The following EREG variants were observed in gnomAD, a reference collection of about 807,000 sequenced individuals.
EREG encodes the protein proepiregulin.
Under a neutral mutation model 22.4 loss-of-function variants are expected in EREG, and 23 were observed. The observed-to-expected ratio is 1.03, with a 90% confidence interval of 0.74 to 1.46. EREG has a LOEUF of 1.46. EREG is among the 40% of genes most tolerant of loss of function. The pLI is 0.00. For missense variants in EREG, 226 were observed against 205.9 expected, an observed-to-expected ratio of 1.10 and a Z score of -0.60; for synonymous variants, 100 against 75.4, an observed-to-expected ratio of 1.33 and a Z score of -1.69.
At chr4:74,376,335 C>T (rs1423942532) in intron 1 of EREG, among the ~76,000 whole-genome samples, 1 of 152,180 alleles carries the variant, frequency 6.6e-6, no homozygotes, top group Non-Finnish European at 1.5e-5. Flanking sequence ...GTAATGTCTC[C>T]TCCAAAGCTT....
At chr4:74,374,706 C>G (rs1319500190) in intron 1 of EREG, among the ~76,000 whole-genome samples, 1 of 152,118 alleles carries the variant, frequency 6.6e-6, no homozygotes, top group African/African-American at 2.4e-5. Flanking sequence ...CACTCAACCT[C>G]TCCCACGCGC....
At chr4:74,372,469 C>A (rs1257875347) in intron 1 of EREG, among the ~76,000 whole-genome samples, 1 of 152,200 alleles carries the variant, frequency 6.6e-6, no homozygotes, top group Non-Finnish European at 1.5e-5. Context: ...AGGCTTCCTG[C>A]CACAATGTGG....
At chr4:74,384,446 C>T (rs550707593) in intron 4 of EREG, among the ~76,000 whole-genome samples, 1 of 152,066 alleles carries the variant, frequency 6.6e-6, no homozygotes, top group Non-Finnish European at 1.5e-5. Flanking sequence ...TTAAATGTGG[C>T]CACACGCCTC....
chr4:74,368,430 A>T (rs1184650095), intron 1 of EREG, among the ~76,000 whole-genome samples: 1 of 152,132 alleles, frequency 6.6e-6, no homozygotes. Flanking sequence ...AGGGTAACTT[A>T]TGTCTGTTTT....
intron 1 of EREG, among the ~76,000 whole-genome samples, chr4:74,378,037 T>TA (rs1752411711): frequency 6.6e-6 from 1 of 152,220 alleles, no homozygotes; most frequent in African/African-American, 2.4e-5. Context: ...AAGTTGAATA[T>TA]ATTTTGTTGC....
chr4:74,375,187 T>C (rs866620643), intron 1 of EREG, among the ~76,000 whole-genome samples: 1 of 151,806 alleles, frequency 6.6e-6, no homozygotes, highest in African/African-American at 2.4e-5. Context: ...GGTCCAATCA[T>C]AGAGAAATTA....
Position 74,382,765 on chromosome 4 carries a change from C to T in EREG, c.399C>T (p.Val133=). The T allele has an allele frequency of 1.2e-6, 2 of 1,613,346 alleles. No homozygotes were observed. Among genetic ancestry groups the T allele is most frequent in the Non-Finnish European group, 1.7e-6 (2 of 1,179,694 alleles). ...TTATTATTTTGTTTCTTATCACAGT[C>T]GTCGGTTCCACATATTATTTCTGCA... ...VILIILFLIT[V]VGSTYYFCRW... The change falls in exon 4 of 5, where the codon GTC becomes GTT. Residue 133 remains valine, a synonymous_variant. Transcript: ENST00000244869.
At chr4:74,375,642 T>G (rs1214582524) in intron 1 of EREG, among the ~76,000 whole-genome samples, 1 of 152,140 alleles carries the variant, frequency 6.6e-6, no homozygotes, top group Non-Finnish European at 1.5e-5. Flanking sequence ...CCAGCGATTC[T>G]TAAGGTTAAC....
intron 1 of EREG, among the ~76,000 whole-genome samples, chr4:74,367,769 GC>G (rs1056589653): frequency 2.0e-5 from 3 of 152,138 alleles, no homozygotes; most frequent in Non-Finnish European, 2.9e-5. Context: ...GTGATGACAG[GC>G]CTTTCCTGTC....
At chr4:74,381,198 A>C (rs1752468976) in intron 3 of EREG, 61 bp downstream of exon 3, 2 of 1,466,342 alleles carry the variant, frequency 1.4e-6, no homozygotes, top group South Asian at 2.5e-5. Context: ...ATTTAGGGGT[A>C]CAAGTGCAGA....
chr4:74,366,858 G>A (rs1340911262), intron 1 of EREG, among the ~76,000 whole-genome samples: 1 of 152,144 alleles, frequency 6.6e-6, no homozygotes, highest in Admixed American at 6.5e-5. Flanking sequence ...TTCCAAATGA[G>A]TTAGGTCAGT....
At chr4:74,383,695 T>C (rs1390663859) in intron 4 of EREG, among the ~76,000 whole-genome samples, 1 of 152,174 alleles carries the variant, frequency 6.6e-6, no homozygotes, top group African/African-American at 2.4e-5. Context: ...TCTGTGAAAG[T>C]AGTGCACTTC....
Position 74,385,999 on chromosome 4 carries a change from C to A in EREG, c.*1191C>A, listed in dbSNP as rs931660251. Reference sequence around the variant, plus strand: ...TTAAAATGTAGAAACTTAAACACACCTTCCTGTGGAGGCTGAGATGAAAAC... The same window carrying A: ...TTAAAATGTAGAAACTTAAACACACATTCCTGTGGAGGCTGAGATGAAAAC... On this transcript the variant is annotated 3_prime_UTR_variant, in exon 5 of 5. Transcript: ENST00000244869. The A allele has an allele frequency of 1.1e-5, 4 of 375,850 alleles. No homozygotes were observed. The South Asian group carries it at 5.8e-4, about 54-fold the overall frequency. 23.3% of individuals were successfully genotyped at this position (375,850 alleles called of 1,614,324 possible). A position where few individuals can be genotyped will look rare whatever the true frequency, so the allele number is the denominator to read the frequency against.
rs1257714285 is a variant in EREG at position 74,385,521 on chromosome 4, A to G, written c.*713A>G. 5.3e-6 allele frequency: 1 copy of G among 187,750 alleles called. No homozygotes were observed. The highest frequency in any genetic ancestry group is 1.1e-5 in the Non-Finnish European group (1 of 92,164). The allele number at this position is 187,750 out of a possible 1,614,324, so 11.6% of individuals were successfully genotyped here. A position where few individuals can be genotyped will look rare whatever the true frequency, so the allele number is the denominator to read the frequency against. On this transcript the variant is annotated 3_prime_UTR_variant, in exon 5 of 5. Transcript: ENST00000244869. ...ATGAATTGAAAAACAATTTTCTGTA[A>G]TCTTTTATTTAAGTAGTGGGCATTT... is the stretch of plus-strand genomic sequence containing the variant.
chr4:74,388,192 G>T lies in EREG; in HGVS notation c.*3384G>T, dbSNP rs377342261. ...ATGCAGTTTTTAAAAACCTGTATCT[G>T]ACCCACTTTGTAATTTTTGCTCCAA... On this transcript the variant is annotated 3_prime_UTR_variant, in exon 5 of 5. Transcript: ENST00000244869. The T allele has an allele frequency of 4.6e-5, 7 of 152,168 alleles. No homozygotes were observed. The East Asian group carries it at 7.7e-4, about 17-fold the overall frequency. 9.4% of individuals were successfully genotyped at this position (152,168 alleles called of 1,614,324 possible).
rs138708841 is a variant in EREG, at chr4:74,367,383, C to G, written c.67+2008C>G. ...GTAGAAGAGTTGAAATACCGGATAA[C>G]ATTTTTTTAAATAATCTATAATTTT... On this transcript the variant is annotated intron_variant, in intron 1 of 4. Coordinates refer to ENST00000244869, the MANE Select transcript of EREG (RefSeq NM_001432.3). 8.9e-4 allele frequency among the ~76,000 whole-genome samples: 135 copies of G among 152,246 alleles called. 1 individual carries two copies. The highest frequency in any genetic ancestry group is 1.6e-3 in the Non-Finnish European group (111 of 68,010).
chr4:74,369,842 C>T (rs1276950125), intron 1 of EREG, among the ~76,000 whole-genome samples: 1 of 151,658 alleles, frequency 6.6e-6, no homozygotes. Flanking sequence ...AGGTTGTCCA[C>T]AATAACCTTG....
chr4:74,385,251 T>A lies in EREG; in HGVS notation c.*443T>A, dbSNP rs1216924181. The A allele has an allele frequency of 6.4e-6, 1 of 155,062 alleles. No individual in the cohort carries two copies. The highest frequency in any genetic ancestry group is 1.4e-5 in the Non-Finnish European group (1 of 70,004). 9.6% of individuals were successfully genotyped at this position (155,062 alleles called of 1,614,324 possible). ...TTGGTTTGACTGTACCATGGTTTGATATGTAGTTGGCACCATGGTATCATA... is the reference window on the plus strand; with the variant it reads ...TTGGTTTGACTGTACCATGGTTTGAAATGTAGTTGGCACCATGGTATCATA... On this transcript the variant is annotated 3_prime_UTR_variant, in exon 5 of 5. Coordinates refer to ENST00000244869, the MANE Select transcript of EREG (RefSeq NM_001432.3).
Position 74,379,451 on chromosome 4 carries a change from T to C in EREG, c.71T>C (p.Phe24Ser), listed in dbSNP as rs1320387252. The C allele has an allele frequency of 7.5e-6, 12 of 1,596,788 alleles. No homozygotes were observed. The highest frequency in any genetic ancestry group is 9.4e-6 in the Non-Finnish European group (11 of 1,164,868). ...RVPALLLCLG[F>S]HLLQAVLSTT... ...TTCGATTTTTCTTCATAAATAGGTT[T>C]CCATCTTCTACAGGCAGTCCTCAGT... Residue 24 changes from phenylalanine (F) to serine (S), a missense_variant, in exon 2 of 5, where the codon TTC becomes TCC. Phe to Ser is a radical substitution (Grantham distance 155). Transcript: ENST00000244869.
Sources: allele counts gnomAD v4.1 joint callset (sites outside exome capture counted in the v4.1 genomes callset), GRCh38; gene constraint gnomAD v4.1.1; transcripts MANE v1.5; gene names NCBI Gene and HGNC (gene_info 2026-07-23, HGNC 2026-07-21).